PCDHGA7: variants seen among roughly 807,000 people sequenced by gnomAD.
PCDHGA7 encodes the protein protocadherin gamma subfamily A, 7, also known as protocadherin gamma-A7.
A neutral mutation model predicts 58.3 loss-of-function variants in PCDHGA7; 44 were observed. That is an observed-to-expected ratio of 0.75 (90% CI 0.59 to 0.97). The LOEUF (loss-of-function observed/expected upper bound fraction) is 0.97, where lower values mean the gene tolerates loss of function less well. Among genes scored for constraint, PCDHGA7 ranks in the 50% least tolerant of loss-of-function variants. The probability of loss-of-function intolerance (pLI) is 0.00; values close to 1 mark genes in which losing one functional copy is unlikely to be tolerated. For missense variants in PCDHGA7, 1,266 were observed against 1,188.7 expected, an observed-to-expected ratio of 1.06 and a Z score of -0.96; for synonymous variants, 516 against 504.2, an observed-to-expected ratio of 1.02 and a Z score of -0.31.
intron 1 of PCDHGA7, chr5:141,422,005 A>G (rs2154549470): frequency 6.2e-7 from 1 of 1,609,814 alleles, no homozygotes; most frequent in Middle Eastern, 1.7e-4. Context: ...CAGCTCCGGA[A>G]CTCGGGTGCT....
intron 1 of PCDHGA7, among the ~76,000 whole-genome samples, chr5:141,467,361 G>A (rs555435172): frequency 1.3e-5 from 2 of 151,860 alleles, no homozygotes; most frequent in South Asian, 4.2e-4. Context: ...CCAAATCAAC[G>A]TTTTCTTATA....
At chr5:141,412,906 T>G in intron 1 of PCDHGA7, 1 of 384,208 alleles carries the variant, frequency 2.6e-6, no homozygotes, top group Non-Finnish European at 4.6e-6. Context: ...TTCCATTGCA[T>G]GTATCACTTG....
chr5:141,408,777 C>T (rs1019825842), intron 1 of PCDHGA7: 22 of 1,611,714 alleles, frequency 1.4e-5, no homozygotes, highest in Non-Finnish European at 1.8e-5. Context: ...GGCAAATACC[C>T]AGAGTTATCT....
Position 141,490,931 on chromosome 5 carries a change from T to C in PCDHGA7, c.2425-3876T>C. 1 of 1,613,780 alleles carries C rather than the reference T, an allele frequency of 6.2e-7. No individual in the cohort carries two copies. Among genetic ancestry groups the C allele is most frequent in the East Asian group, 2.2e-5 (1 of 44,872 alleles). ...GACGAGAATGATAATGCCCCAGCTG[T>C]GCTGCACCCACGGCCAGACTGGGAA... On this transcript the variant is annotated intron_variant, in intron 1 of 3. Transcript: ENST00000518325. This position sits in a 1 kb window ranked among gnomAD's most constrained non-coding sequence, Gnocchi z 5.4.
intron 1 of PCDHGA7, chr5:141,390,929 T>C (rs1296144036): frequency 1.3e-5 from 2 of 152,314 alleles, no homozygotes; most frequent in African/African-American, 4.8e-5. Context: ...ACTATGCTCA[T>C]TAGAAGATCA....
intron 1 of PCDHGA7, among the ~76,000 whole-genome samples, chr5:141,435,590 A>G (rs1005651004): frequency 3.3e-5 from 5 of 152,210 alleles, no homozygotes; most frequent in African/African-American, 7.2e-5. Context: ...TTGCAGTAAT[A>G]TCGCCTGCTT....
intron 1 of PCDHGA7, chr5:141,421,172 G>A: frequency 7.3e-7 from 1 of 1,366,164 alleles, no homozygotes; most frequent in Non-Finnish European, 9.8e-7. Context: ...AGATACATAA[G>A]CCGATTCACA....
chr5:141,415,811 A>G (rs2095960996), intron 1 of PCDHGA7: 5 of 1,340,748 alleles, frequency 3.7e-6, no homozygotes, highest in South Asian at 1.7e-5. Flanking sequence ...ATCAAGGCCT[A>G]TATATCATAA....
At chr5:141,405,022 C>T in intron 1 of PCDHGA7, 6 of 1,613,976 alleles carry the variant, frequency 3.7e-6, no homozygotes, top group Non-Finnish European at 5.1e-6. Context: ...CAGACCTTAC[C>T]CTCTACCTCG....
chr5:141,389,378 G>A (rs574837458), intron 1 of PCDHGA7: 4 of 1,613,766 alleles, frequency 2.5e-6, no homozygotes, highest in African/African-American at 2.7e-5. Flanking sequence ...AGCAGCGGGA[G>A]CTGTCATCCT....
intron 1 of PCDHGA7, chr5:141,423,749 TTGGGGGGGGGG>T: frequency 3.7e-6 from 1 of 272,202 alleles, no homozygotes; most frequent in Non-Finnish European, 4.7e-6. Context: ...TGAAAACTGT[TTGGGGGGGGGG>T]TGGGGCGGCA....
chr5:141,448,705 C>T (rs2098601893), intron 1 of PCDHGA7, among the ~76,000 whole-genome samples: 1 of 152,100 alleles, frequency 6.6e-6, no homozygotes, highest in Non-Finnish European at 1.5e-5. Context: ...CTTTGGGAGG[C>T]CGAGGCGGGA....
chr5:141,486,170 C>T lies in PCDHGA7; in HGVS notation c.2425-8637C>T, dbSNP rs759946548. The stretch of plus-strand genomic sequence containing the variant: ...TGGGGGTTCTCCAGCCATGGAGCAA[C>T]ATTGCAGCCTTCGAGTGGATCTGCT... On this transcript the variant is annotated intron_variant, in intron 1 of 3. Coordinates refer to ENST00000518325, the MANE Select transcript of PCDHGA7 (RefSeq NM_018920.4). This position sits in a 1 kb window ranked among gnomAD's most constrained non-coding sequence, Gnocchi z 5.0. The T allele has an allele frequency of 1.5e-5, 24 of 1,614,116 alleles. No individual in the cohort carries two copies. Among genetic ancestry groups the T allele is most frequent in the South Asian group, 4.4e-5 (4 of 91,090 alleles).
At chr5:141,413,118 G>C (rs999214227) in intron 1 of PCDHGA7, 1 of 1,517,152 alleles carries the variant, frequency 6.6e-7, no homozygotes, top group Non-Finnish European at 8.9e-7. Flanking sequence ...CAAAGGAACC[G>C]GTTGAAACAC....
At position 141,383,187 on chromosome 5, in the gene PCDHGA7, C is replaced by A. The variant is rs572411306; in HGVS notation, c.288C>A (p.Cys96Ter). The A allele has an allele frequency of 1.2e-6, 2 of 1,614,076 alleles. No homozygotes were observed. Among genetic ancestry groups the A allele is most frequent in the Non-Finnish European group, 1.7e-6 (2 of 1,179,948 alleles). ...TAGRIDREEI[C>*]AQSARCLVNF... is the part of the protein sequence containing the mutation. Reference sequence around the variant, plus strand: ...GCAGGATAGACCGGGAAGAGATCTGCGCTCAGAGTGCGCGGTGTCTGGTAA... The same window carrying A: ...GCAGGATAGACCGGGAAGAGATCTGAGCTCAGAGTGCGCGGTGTCTGGTAA... The change falls in exon 1 of 4, where the codon TGC (cysteine) becomes TGA (stop). Residue 96 changes from cysteine to a stop codon, truncating the protein, a stop_gained. Coordinates refer to ENST00000518325, the MANE Select transcript of PCDHGA7 (RefSeq NM_018920.4). LOFTEE classifies it high-confidence loss of function.
rs192227219 is a variant in PCDHGA7 at position 141,501,899 on chromosome 5, A to G, written c.2484-3494A>G. Among the ~76,000 whole-genome samples the G allele has an allele frequency of 1.0e-3, 159 of 152,024 alleles. 1 individual carries two copies. The highest frequency in any genetic ancestry group is 6.8e-3 in the Middle Eastern group (2 of 294). ...TACACTCCTGATCATCATGGTTCCA[A>G]CCCCACTGTTCCACTCAGCTTTGTT... is the stretch of plus-strand genomic sequence containing the variant. On this transcript the variant is annotated intron_variant, in intron 2 of 3. Transcript: ENST00000518325.
At chr5:141,390,385 C>A in intron 1 of PCDHGA7, 1 of 1,430,582 alleles carries the variant, frequency 7.0e-7, no homozygotes, top group Non-Finnish European at 9.5e-7. Context: ...TTTTAGATGT[C>A]ATGGATCATT....
intron 1 of PCDHGA7, chr5:141,430,838 G>C (rs866767896): frequency 1.3e-6 from 2 of 1,563,026 alleles, no homozygotes; most frequent in Middle Eastern, 1.7e-4. Context: ...GTGGGAGACC[G>C]GATGCACCCA....
At chr5:141,437,197 G>A (rs535640562) in intron 1 of PCDHGA7, among the ~76,000 whole-genome samples, 69 of 152,330 alleles carry the variant, frequency 4.5e-4, no homozygotes, top group Non-Finnish European at 7.8e-4. Flanking sequence ...GGGTTTGGAT[G>A]TGTTTACATT....
Sources: gnomAD v4.1 joint callset for allele counts (sites outside exome capture counted in the v4.1 genomes callset) on GRCh38, gnomAD v4.1.1 for gene constraint, Gnocchi (gnomAD v3.1) non-coding constraint, MANE v1.5 for transcripts, NCBI Gene and HGNC (gene_info 2026-07-23, HGNC 2026-07-21) for gene names.